Variants in FLACC1 observed in about 807,000 individuals in gnomAD.
FLACC1 encodes the protein flagellum associated containing coiled-coil domains 1, also known as flagellum-associated coiled-coil domain-containing protein 1.
In FLACC1, 66 loss-of-function variants were observed where a neutral mutation model predicts 62.8. The ratio of observed to expected loss-of-function variants is 1.05; its 90% confidence interval spans 0.86 to 1.29. The LOEUF (loss-of-function observed/expected upper bound fraction) is 1.29. Ranked by LOEUF, FLACC1 falls within the 50% of genes most tolerant of loss-of-function variation. The probability of loss-of-function intolerance (pLI) is 0.00; values close to 1 mark genes in which losing one functional copy is unlikely to be tolerated. For synonymous variants in FLACC1, 156 were observed against 161.0 expected (o/e 0.97, Z 0.24); for missense variants, 452 against 489.1 (o/e 0.92, Z 0.71).
chr2:201,329,281 A>C (rs546970222), intron 9 of FLACC1, among the ~76,000 whole-genome samples: 39 of 152,342 alleles, frequency 2.6e-4, no homozygotes, highest in African/African-American at 9.4e-4. Context: ...TATTATTAAA[A>C]AGCCAAAAAA....
At chr2:201,313,615 C>A (rs1331114031) in intron 9 of FLACC1, among the ~76,000 whole-genome samples, 2 of 152,134 alleles carry the variant, frequency 1.3e-5, no homozygotes, top group African/African-American at 4.8e-5. Flanking sequence ...CCTGATGGTC[C>A]TTTCCTACTC....
At chr2:201,298,957 TGAACCTTGC>T (rs1949921511) in intron 12 of FLACC1, among the ~76,000 whole-genome samples, 1 of 152,240 alleles carries the variant, frequency 6.6e-6, no homozygotes, top group Non-Finnish European at 1.5e-5. Context: ...ATTTGTGGTT[TGAACCTTGC>T]TAGAAATGAA....
intron 9 of FLACC1, among the ~76,000 whole-genome samples, chr2:201,319,959 G>C (rs574302324): frequency 1.3e-5 from 2 of 152,306 alleles, no homozygotes; most frequent in South Asian, 4.1e-4. Flanking sequence ...AGTGTGAGAA[G>C]GGGGACTCAC....
At chr2:201,292,057 A>G (rs1949748612) in intron 12 of FLACC1, among the ~76,000 whole-genome samples, 2 of 149,378 alleles carry the variant, frequency 1.3e-5, no homozygotes, top group Admixed American at 6.6e-5. Context: ...TGATTGGTGT[A>G]CCTGAAAGTG....
At chr2:201,337,898 G>A (rs1243870274) in intron 7 of FLACC1, among the ~76,000 whole-genome samples, 6 of 152,038 alleles carry the variant, frequency 3.9e-5, no homozygotes, top group African/African-American at 1.4e-4. Flanking sequence ...TGGCTATTCT[G>A]GCTCATCTTT....
At chr2:201,348,199 C>T (rs1428522403) in intron 4 of FLACC1, 55 bp downstream of exon 4, 1 of 1,553,438 alleles carries the variant, frequency 6.4e-7, no homozygotes, top group African/African-American at 1.4e-5. Flanking sequence ...CATGCTTGCA[C>T]ATAGTAGGCA....
At chr2:201,352,660 C>A (rs954639114) in intron 1 of FLACC1, among the ~76,000 whole-genome samples, 1 of 152,180 alleles carries the variant, frequency 6.6e-6, no homozygotes, top group Non-Finnish European at 1.5e-5. Flanking sequence ...GGACTTGGAA[C>A]TGGTAGATTA....
chr2:201,342,339 C>T (rs1003718222), intron 7 of FLACC1, 31 bp downstream of exon 7: 14 of 1,611,902 alleles, frequency 8.7e-6, no homozygotes, highest in Non-Finnish European at 3.4e-6. Flanking sequence ...GAGCCATCAA[C>T]ACACACAAGG....
At position 201,344,197 on chromosome 2, in the gene FLACC1, G is replaced by T; in HGVS notation, c.435C>A (p.Asn145Lys). 6.2e-7 allele frequency: 1 copy of T among 1,613,654 alleles called. No homozygotes were observed. Among genetic ancestry groups the T allele is most frequent in the Non-Finnish European group, 8.5e-7 (1 of 1,179,700 alleles). Residue 145 changes from asparagine to lysine, a missense_variant, in exon 6 of 15, where the codon AAC becomes AAA. Asn to Lys is a moderately conservative substitution (Grantham distance 94). Around this residue, in one of 3 missense-constraint regions of FLACC1, gnomAD observed 301 missense variants for 318.4 expected, o/e 0.95. Transcript: ENST00000392257. ...ATTTCTGGGCAGACTGGTGGTCTCT[G>T]TTCATTTGTTCAATTATTGCTGTCA... ...SELTAIIEQM[N>K]RDHQSAQKLL...
chr2:201,306,755 G>T (rs1375477545), intron 11 of FLACC1, among the ~76,000 whole-genome samples: 1 of 152,008 alleles, frequency 6.6e-6, no homozygotes, highest in Non-Finnish European at 1.5e-5. Context: ...ACCACAGGCT[G>T]ACAGACAATA....
In FLACC1 at chr2:201,346,751, T is replaced by C; in HGVS notation, c.235-76A>G. 6.3e-7 allele frequency: 1 copy of C among 1,578,840 alleles called. No homozygotes were observed. The highest frequency in any genetic ancestry group is 8.6e-7 in the Non-Finnish European group (1 of 1,158,162). ...TTTTTCCAAATCTTCTCTTATTGCC[T>C]CACTCACATCTTAAAAACAGGGACC... On this transcript the variant is annotated intron_variant, in intron 4 of 14. Transcript: ENST00000392257. The surrounding 1 kb of genome is among the most constrained non-coding windows in gnomAD (Gnocchi z 4.0).
chr2:201,353,590 T>A (rs926685189), intron 1 of FLACC1, among the ~76,000 whole-genome samples: 5 of 152,134 alleles, frequency 3.3e-5, no homozygotes, highest in African/African-American at 9.7e-5. Flanking sequence ...CTTTTCTTCT[T>A]TTCTTTTCTT....
At chr2:201,305,758 T>C (rs1681621331) in intron 11 of FLACC1, among the ~76,000 whole-genome samples, 1 of 152,146 alleles carries the variant, frequency 6.6e-6, no homozygotes, top group Admixed American at 6.5e-5. Flanking sequence ...GCAGCCATAA[T>C]AATGGATGAG....
chr2:201,294,473 C>T lies in FLACC1; in HGVS notation c.943-4688G>A, dbSNP rs181991505. Among the ~76,000 whole-genome samples the T allele has an allele frequency of 2.8e-4, 42 of 152,206 alleles. No individual in the cohort carries two copies. In the East Asian group the frequency reaches 8.1e-3, roughly 29 times the overall value. The stretch of plus-strand genomic sequence containing the variant: ...AAGGCCTTCAACAAAATTCGAAAAC[C>T]GTTCATGCTAAAAACTCTCAATAAA... On this transcript the variant is annotated intron_variant, in intron 12 of 14. Coordinates refer to ENST00000392257, the MANE Select transcript of FLACC1 (RefSeq NM_001127391.3).
At chr2:201,341,769 T>C (rs1028919706) in intron 7 of FLACC1, among the ~76,000 whole-genome samples, 1 of 152,180 alleles carries the variant, frequency 6.6e-6, no homozygotes, top group African/African-American at 2.4e-5. Context: ...TATAAACTTG[T>C]TCACCCTACA....
chr2:201,363,231 C>T, the FLACC1 span, among the ~76,000 whole-genome samples: 27 of 151,966 alleles, frequency 1.8e-4, no homozygotes, highest in Admixed American at 3.3e-4. Context: ...ATCTGGAGCA[C>T]CCCCTTCCTT....
rs1949676938 is a variant in FLACC1 at position 201,289,468 on chromosome 2, G to A, written c.1131C>T (p.Asn377=). The A allele has an allele frequency of 4.3e-6, 7 of 1,613,968 alleles. No individual in the cohort carries two copies. Among genetic ancestry groups the A allele is most frequent in the Middle Eastern group, 1.6e-4 (1 of 6,084 alleles). The change falls in exon 14 of 15, where the codon AAC becomes AAT. Residue 377 remains asparagine, a synonymous_variant. Coordinates refer to ENST00000392257, the MANE Select transcript of FLACC1 (RefSeq NM_001127391.3). The part of the protein sequence containing the change: ...KHTIQILTEE[N]IHLKQKIISK... Reference sequence around the variant, plus strand: ...AGCAGCAGCCGCACTTCAGATGAATGTTCTCTTCCGTCAGGATCTGTATGG... The same window carrying A: ...AGCAGCAGCCGCACTTCAGATGAATATTCTCTTCCGTCAGGATCTGTATGG...
intron 11 of FLACC1, among the ~76,000 whole-genome samples, chr2:201,302,168 G>T (rs1949999299): frequency 6.6e-6 from 1 of 152,214 alleles, no homozygotes; most frequent in African/African-American, 2.4e-5. Context: ...CCACCAGTGT[G>T]CTGTATGCAG....
intron 9 of FLACC1, among the ~76,000 whole-genome samples, chr2:201,325,533 A>G (rs1160463579): frequency 6.6e-6 from 1 of 152,190 alleles, no homozygotes; most frequent in Non-Finnish European, 1.5e-5. Context: ...TGAGGCTACT[A>G]TGAACGCCTT....
Sources: allele counts gnomAD v4.1 joint callset (sites outside exome capture counted in the v4.1 genomes callset), GRCh38; gene constraint gnomAD v4.1.1; regional missense constraint gnomAD v4.1.1; non-coding constraint Gnocchi (gnomAD v3.1); transcripts MANE v1.5; gene names NCBI Gene and HGNC (gene_info 2026-07-23, HGNC 2026-07-21).